The following AFF3 variants were observed in gnomAD, a reference collection of about 807,000 sequenced individuals.
AFF3 encodes the protein AF4/FMR2 family member 3.
AFF3 carries 32 observed loss-of-function variants against 129.7 expected under a neutral mutation model. The ratio of observed to expected loss-of-function variants is 0.25; its 90% CI spans 0.19 to 0.33. The LOEUF is 0.33. Among genes scored for constraint, AFF3 ranks in the 10% least tolerant of loss-of-function variants. AFF3 has a pLI of 1.00. For synonymous variants in AFF3, 644 were observed against 635.4 expected, an observed-to-expected ratio of 1.01 and a Z score of -0.20; for missense variants, 1,373 against 1,592.0, an observed-to-expected ratio of 0.86 and a Z score of 2.34.
intron 7 of AFF3, among the ~76,000 whole-genome samples, chr2:99,908,842 T>C (rs985943831): frequency 2.6e-5 from 4 of 152,102 alleles, no homozygotes; most frequent in African/African-American, 9.7e-5. Context: ...CTGGAGAGGA[T>C]GTGGAGAAAT....
At chr2:100,082,929 A>T (rs1689141289) in intron 4 of AFF3, among the ~76,000 whole-genome samples, 1 of 152,014 alleles carries the variant, frequency 6.6e-6, no homozygotes, top group Non-Finnish European at 1.5e-5. Flanking sequence ...AAAAATACAA[A>T]ATTAGCTGGG....
intron 4 of AFF3, among the ~76,000 whole-genome samples, chr2:100,079,617 T>C (rs1253056856): frequency 6.6e-6 from 1 of 152,178 alleles, no homozygotes; most frequent in Non-Finnish European, 1.5e-5. Flanking sequence ...TCTAGAAATA[T>C]GAAGCAATAT....
chr2:100,026,374 C>T (rs1256675484), intron 4 of AFF3, among the ~76,000 whole-genome samples: 1 of 152,048 alleles, frequency 6.6e-6, no homozygotes, highest in African/African-American at 2.4e-5. Context: ...GCAAGAATGG[C>T]CATAATCAAA....
At chr2:99,720,220 A>C (rs1033505387) in intron 11 of AFF3, among the ~76,000 whole-genome samples, 5 of 152,006 alleles carry the variant, frequency 3.3e-5, no homozygotes, top group Non-Finnish European at 7.4e-5. Context: ...TTTGATCCCC[A>C]GTGTGGTGGT....
At chr2:99,771,659 T>A (rs971049735) in intron 8 of AFF3, among the ~76,000 whole-genome samples, 1 of 152,120 alleles carries the variant, frequency 6.6e-6, no homozygotes, top group African/African-American at 2.4e-5. Flanking sequence ...GACAAAAGAA[T>A]AACATGGTAT....
chr2:99,727,977 G>A (rs1368566810), intron 10 of AFF3, among the ~76,000 whole-genome samples: 1 of 152,160 alleles, frequency 6.6e-6, no homozygotes, highest in Non-Finnish European at 1.5e-5. Context: ...GCTTAAAGCA[G>A]AATGAGATGT....
chr2:99,917,999 G>A (rs1021637559), intron 7 of AFF3, among the ~76,000 whole-genome samples: 5 of 152,154 alleles, frequency 3.3e-5, no homozygotes, highest in Middle Eastern at 6.8e-3. Context: ...TAATATGCTA[G>A]TGCACAATCA....
chr2:100,125,976 T>C (rs1024418307), intron 2 of AFF3, among the ~76,000 whole-genome samples: 16 of 152,330 alleles, frequency 1.1e-4, no homozygotes, highest in African/African-American at 3.6e-4. Flanking sequence ...CATGGCATTC[T>C]GTTCTTAACT....
At chr2:99,846,510 G>A (rs955324935) in intron 7 of AFF3, among the ~76,000 whole-genome samples, 13 of 152,152 alleles carry the variant, frequency 8.5e-5, no homozygotes, top group African/African-American at 2.4e-4. Context: ...AAATGTACAC[G>A]AAAACACATC....
Position 100,044,204 on chromosome 2 carries a change from G to A in AFF3, c.54-35272C>T, listed in dbSNP as rs916889286. Among the ~76,000 whole-genome samples the A allele has an allele frequency of 3.3e-5, 5 of 152,232 alleles. No homozygotes were observed. In the South Asian group the frequency reaches 8.3e-4, roughly 25 times the overall value. On this transcript the variant is annotated intron_variant, in intron 4 of 24. Transcript: ENST00000672756. ...GTTCTCAGTTACACCAGGGGTGCCT[G>A]AAAGGCAGGACCCGCATCCTCCATT...
At chr2:99,975,640 C>T (rs1446123884) in intron 7 of AFF3, among the ~76,000 whole-genome samples, 1 of 151,802 alleles carries the variant, frequency 6.6e-6, no homozygotes, top group Non-Finnish European at 1.5e-5. Flanking sequence ...TATTTTACTG[C>T]ACCAGTGTTT....
rs1575466737 is a variant in AFF3, at chr2:99,597,974, G to A, written c.1371+3461C>T. ...TAGGCACCTAATAAATGAGAAGCTT[G>A]TTGAGTCAGCGAGCAACTTGAATCA... On this transcript the variant is annotated intron_variant, in intron 14 of 24. Transcript: ENST00000672756. 2.0e-5 allele frequency among the ~76,000 whole-genome samples: 3 copies of A among 152,308 alleles called. No homozygotes were observed. In the East Asian group the frequency reaches 5.8e-4, roughly 29 times the overall value.
At chr2:99,613,803 T>C (rs1408628194) in intron 13 of AFF3, among the ~76,000 whole-genome samples, 1 of 152,240 alleles carries the variant, frequency 6.6e-6, no homozygotes, top group Non-Finnish European at 1.5e-5. Context: ...ATACCCGTGG[T>C]TGCAGGCGAT....
At chr2:99,980,729 A>G (rs922190819) in intron 7 of AFF3, among the ~76,000 whole-genome samples, 4 of 152,242 alleles carry the variant, frequency 2.6e-5, no homozygotes, top group Admixed American at 2.6e-4. Context: ...TGTTGGTACA[A>G]CATGCTCTTG....
At chr2:99,848,578 A>G (rs1689907208) in intron 7 of AFF3, among the ~76,000 whole-genome samples, 3 of 152,198 alleles carry the variant, frequency 2.0e-5, no homozygotes, top group Admixed American at 6.5e-5. Context: ...ACTGAATATA[A>G]AATAAATTAA....
chr2:99,872,463 C>T (rs1691943921), intron 7 of AFF3, among the ~76,000 whole-genome samples: 1 of 151,938 alleles, frequency 6.6e-6, no homozygotes, highest in South Asian at 2.1e-4. Context: ...ACAGTGTTGT[C>T]TCTGCCTAGG....
chr2:99,649,637 A>G lies in AFF3; in HGVS notation c.1173T>C (p.Ala391=), dbSNP rs780704993. 1.2e-6 allele frequency: 2 copies of G among 1,614,174 alleles called. No homozygotes were observed. The highest frequency in any genetic ancestry group is 1.7e-6 in the Non-Finnish European group (2 of 1,180,006). Residue 391 remains alanine (A), a synonymous_variant, in exon 13 of 25, where the codon GCT becomes GCC. Transcript: ENST00000672756. ...ATGACAAAATGTACCTGTCAGAGAG[A>G]GCGCGGAGAGCCGTTCTCTGAGCTG... The part of the protein sequence containing the change: ...QQAAQRTALR[A]LSDSAVVQQP...
chr2:99,619,961 C>T (rs1198964732), intron 13 of AFF3, among the ~76,000 whole-genome samples: 1 of 152,180 alleles, frequency 6.6e-6, no homozygotes, highest in Non-Finnish European at 1.5e-5. Context: ...CCCTGAAGAC[C>T]CTGGCCACTC....
intron 1 of AFF3, among the ~76,000 whole-genome samples, chr2:100,133,477 A>G (rs561964984): frequency 1.3e-5 from 2 of 151,898 alleles, no homozygotes; most frequent in Non-Finnish European, 2.9e-5. Context: ...AGTGTAGTTC[A>G]GGCTGGAGTG....
Sources: gnomAD v4.1 joint callset for allele counts (sites outside exome capture counted in the v4.1 genomes callset) on GRCh38, gnomAD v4.1.1 for gene constraint, MANE v1.5 for transcripts, NCBI Gene and HGNC (gene_info 2026-07-23, HGNC 2026-07-21) for gene names.